PLCE1: variants seen among roughly 807,000 people sequenced by gnomAD.
PLCE1 encodes phospholipase C epsilon 1, also known as 1-phosphatidylinositol 4,5-bisphosphate phosphodiesterase epsilon-1.
In PLCE1, 119 loss-of-function variants were observed where a neutral mutation model predicts 242.8. The observed-to-expected ratio is 0.49, with a 90% CI of 0.42 to 0.57. The LOEUF (loss-of-function observed/expected upper bound fraction) is 0.57, where lower values mean the gene tolerates loss of function less well. Among genes scored for constraint, PLCE1 ranks in the 20% least tolerant of loss-of-function variants. The pLI is 0.00. For synonymous variants in PLCE1, 945 were observed against 1,017.4 expected, an observed-to-expected ratio of 0.93 and a Z score of 1.35; for missense variants, 2,441 against 2,788.8, an observed-to-expected ratio of 0.88 and a Z score of 2.81.
At chr10:94,137,281 G>A (rs1276852190) in intron 3 of PLCE1, among the ~76,000 whole-genome samples, 1 of 152,130 alleles carries the variant, frequency 6.6e-6, no homozygotes, top group Non-Finnish European at 1.5e-5. Flanking sequence ...ACACCTTATA[G>A]CAGTGGCAGT....
At chr10:94,135,657 G>T (rs934402473) in intron 3 of PLCE1, among the ~76,000 whole-genome samples, 3 of 152,206 alleles carry the variant, frequency 2.0e-5, no homozygotes, top group African/African-American at 7.2e-5. Flanking sequence ...CCATAACACA[G>T]TTGTGATCTG....
At chr10:94,157,605 A>T (rs368640075) in intron 3 of PLCE1, among the ~76,000 whole-genome samples, 12 of 152,302 alleles carry the variant, frequency 7.9e-5, no homozygotes, top group African/African-American at 2.6e-4. Flanking sequence ...AAGGTCCCTG[A>T]GTTCTGGTCC....
At position 94,328,004 on chromosome 10, in the gene PLCE1, T is replaced by C. The variant is rs1019536556; in HGVS notation, c.*61T>C. On this transcript the variant is annotated 3_prime_UTR_variant, in exon 33 of 33. Transcript: ENST00000371380. ...TAAGCAAGAAGTTAAAGAGTGAACA[T>C]GGTGGAAAAAATATAATTATTTTCA... 1.1e-5 allele frequency: 6 copies of C among 531,812 alleles called. No individual in the cohort carries two copies. Among genetic ancestry groups the C allele is most frequent in the Non-Finnish European group, 1.9e-5 (5 of 259,228 alleles). The allele number at this position is 531,812 out of a possible 1,614,324, so 32.9% of individuals were successfully genotyped here.
chr10:94,109,794 C>G (rs968321379), intron 2 of PLCE1, among the ~76,000 whole-genome samples: 1 of 151,530 alleles, frequency 6.6e-6, no homozygotes, highest in Admixed American at 6.6e-5. Flanking sequence ...ATCACAAGAA[C>G]TTTTATTCTT....
intron 2 of PLCE1, among the ~76,000 whole-genome samples, chr10:94,122,243 T>C (rs1472812004): frequency 1.3e-5 from 2 of 152,216 alleles, no homozygotes; most frequent in African/African-American, 2.4e-5. Context: ...AATTCATTAA[T>C]TGACCCATTG....
chr10:94,257,971 A>T (rs1057224152), intron 11 of PLCE1, among the ~76,000 whole-genome samples: 1 of 152,192 alleles, frequency 6.6e-6, no homozygotes. Flanking sequence ...TAATCAAAAC[A>T]TCTCTCATAC....
chr10:94,251,168 G>A (rs2050861386), intron 8 of PLCE1, among the ~76,000 whole-genome samples: 1 of 152,110 alleles, frequency 6.6e-6, no homozygotes, highest in South Asian at 2.1e-4. Flanking sequence ...GTTAGAGAAG[G>A]GAGAAACAGA....
At chr10:94,152,294 A>G (rs1264094183) in intron 3 of PLCE1, among the ~76,000 whole-genome samples, 1 of 152,274 alleles carries the variant, frequency 6.6e-6, no homozygotes, top group East Asian at 1.9e-4. Flanking sequence ...AACAGTTCCT[A>G]TACGACCTTG....
chr10:94,199,933 G>T (rs1450521761), intron 4 of PLCE1, among the ~76,000 whole-genome samples: 3 of 152,196 alleles, frequency 2.0e-5, no homozygotes, highest in Admixed American at 1.3e-4. Context: ...GAGAGTTGGT[G>T]AGAAAACTGA....
intron 19 of PLCE1, among the ~76,000 whole-genome samples, chr10:94,278,562 CAT>C (rs754748292): frequency 2.6e-5 from 4 of 152,144 alleles, no homozygotes; most frequent in Non-Finnish European, 5.9e-5. Flanking sequence ...GTTCCTATAA[CAT>C]GTGATCACTG....
intron 4 of PLCE1, among the ~76,000 whole-genome samples, chr10:94,191,985 G>A (rs2048681551): frequency 1.3e-5 from 2 of 152,114 alleles, no homozygotes; most frequent in South Asian, 2.1e-4. Flanking sequence ...CATCCTGTGA[G>A]CTAATAATGT....
At chr10:93,998,380 C>T (rs115176724) in intron 1 of PLCE1, among the ~76,000 whole-genome samples, 1,733 of 152,246 alleles carry the variant, frequency 0.011, 17 homozygotes, top group Middle Eastern at 0.02. Context: ...ATACCTCTTG[C>T]GGCACAGTCT....
At chr10:94,224,355 C>T (rs2049867738) in intron 4 of PLCE1, among the ~76,000 whole-genome samples, 2 of 152,132 alleles carry the variant, frequency 1.3e-5, no homozygotes, top group African/African-American at 2.4e-5. Flanking sequence ...GTGGTGGTCT[C>T]CACCTGCCCT....
intron 2 of PLCE1, among the ~76,000 whole-genome samples, chr10:94,062,113 G>C (rs1404184707): frequency 6.6e-6 from 1 of 152,222 alleles, no homozygotes; most frequent in Non-Finnish European, 1.5e-5. Flanking sequence ...GTAAGCACTA[G>C]ATATGAGTTA....
intron 3 of PLCE1, among the ~76,000 whole-genome samples, chr10:94,169,160 A>AT (rs2047896420): frequency 6.6e-6 from 1 of 152,248 alleles, no homozygotes; most frequent in African/African-American, 2.4e-5. Flanking sequence ...CCATGTCCTC[A>AT]TTGGTTTAGT....
At position 94,031,498 on chromosome 10, in the gene PLCE1, G is replaced by A. The variant is rs2061555825; in HGVS notation, c.452G>A (p.Gly151Glu). The A allele has an allele frequency of 1.2e-6, 2 of 1,612,852 alleles. No homozygotes were observed. The highest frequency in any genetic ancestry group is 1.7e-5 in the Admixed American group (1 of 59,956). The change falls in exon 2 of 33, where the codon GGA becomes GAA. Residue 151 changes from glycine (G) to glutamate (E), a missense_variant. Coordinates refer to ENST00000371380, the MANE Select transcript of PLCE1 (RefSeq NM_016341.4). ...PSPLERKVFPGIQLELDRPSM... is the reference protein window; with the variant it reads ...PSPLERKVFPEIQLELDRPSM... ...CCACTGGAAAGAAAGGTGTTCCCTG[G>A]AATTCAACTGGAACTAGACAGACCT...
chr10:94,120,302 A>G (rs1207749426), intron 2 of PLCE1, among the ~76,000 whole-genome samples: 2 of 152,204 alleles, frequency 1.3e-5, no homozygotes, highest in African/African-American at 4.8e-5. Context: ...GTTGTTGAAT[A>G]TGGCTCTACC....
chr10:94,068,247 C>G (rs1335229158), intron 2 of PLCE1, among the ~76,000 whole-genome samples: 1 of 152,150 alleles, frequency 6.6e-6, no homozygotes, highest in East Asian at 1.9e-4. Flanking sequence ...CCTCTTTAGC[C>G]TTCTCAGCAA....
At chr10:94,204,407 G>A (rs888571597) in intron 4 of PLCE1, among the ~76,000 whole-genome samples, 6 of 152,156 alleles carry the variant, frequency 3.9e-5, no homozygotes, top group South Asian at 2.1e-4. Flanking sequence ...GGTGGCTCAC[G>A]CCTGTAATCC....
Sources: gnomAD v4.1 joint callset for allele counts (sites outside exome capture counted in the v4.1 genomes callset) on GRCh38, gnomAD v4.1.1 for gene constraint, MANE v1.5 for transcripts, NCBI Gene and HGNC (gene_info 2026-07-23, HGNC 2026-07-21) for gene names.